The following STIM2 variants were observed in gnomAD, a reference collection of about 807,000 sequenced individuals.
The protein encoded by STIM2 is stromal interaction molecule 2.
STIM2 carries 31 observed loss-of-function variants against 85.8 expected under a neutral mutation model. The ratio of observed to expected loss-of-function variants is 0.36; its 90% CI spans 0.27 to 0.49. The LOEUF is 0.49. STIM2 is among the 20% of genes least tolerant of loss of function. STIM2 has a pLI of 0.98. For missense variants in STIM2, 841 were observed against 927.6 expected, an observed-to-expected ratio of 0.91 and a Z score of 1.21; for synonymous variants, 356 against 331.1, an observed-to-expected ratio of 1.08 and a Z score of -0.82.
intron 1 of STIM2, among the ~76,000 whole-genome samples, chr4:26,896,615 C>T (rs1262270516): frequency 6.6e-6 from 1 of 152,152 alleles, no homozygotes; most frequent in African/African-American, 2.4e-5. Context: ...AATATTGAAT[C>T]TTCCAATTTT....
chr4:27,019,993 A>G (rs1728860156), intron 11 of STIM2, among the ~76,000 whole-genome samples: 1 of 152,210 alleles, frequency 6.6e-6, no homozygotes, highest in Non-Finnish European at 1.5e-5. Flanking sequence ...TTAGAACTAG[A>G]AGGTAACATT....
chr4:27,012,367 T>C (rs899629380), intron 10 of STIM2, among the ~76,000 whole-genome samples: 3 of 152,088 alleles, frequency 2.0e-5, no homozygotes, highest in Admixed American at 6.6e-5. Flanking sequence ...GAATTATTAA[T>C]CAATTCCATT....
chr4:26,910,275 G>A (rs576165457), intron 1 of STIM2, among the ~76,000 whole-genome samples: 34 of 152,082 alleles, frequency 2.2e-4, no homozygotes, highest in South Asian at 4.2e-4. Context: ...TAATTCCAGC[G>A]CTTTGGGAGG....
intron 1 of STIM2, among the ~76,000 whole-genome samples, chr4:26,883,755 C>A (rs1008596681): frequency 6.6e-6 from 1 of 152,180 alleles, no homozygotes; most frequent in African/African-American, 2.4e-5. Flanking sequence ...AGACTTAATG[C>A]TGTATCAAAT....
Position 26,993,947 on chromosome 4 carries a change from G to GT in STIM2, c.398-1424dup, listed in dbSNP as rs201428662. 2.4e-3 allele frequency among the ~76,000 whole-genome samples: 359 copies of GT among 151,924 alleles called. 1 individual carries two copies. Among genetic ancestry groups the GT allele is most frequent in the African/African-American group, 7.7e-3 (321 of 41,456 alleles). ...AGATAATTATGTTAGAACCTCGTAAGTTTTTTTTAAGACTTAAGAAAATGC... is the reference window on the plus strand; with the variant it reads ...AGATAATTATGTTAGAACCTCGTAAGTTTTTTTTTAAGACTTAAGAAAATGC... On this transcript the variant is annotated intron_variant, in intron 3 of 11. Coordinates refer to ENST00000467087, the MANE Select transcript of STIM2 (RefSeq NM_020860.4).
chr4:26,948,797 G>A (rs572297436), intron 2 of STIM2, among the ~76,000 whole-genome samples: 5 of 151,832 alleles, frequency 3.3e-5, no homozygotes, highest in Admixed American at 6.6e-5. Flanking sequence ...TTTTTTAAAG[G>A]AAATTGTAAT....
chr4:26,950,189 G>A (rs1018126674), intron 2 of STIM2, among the ~76,000 whole-genome samples: 1 of 152,242 alleles, frequency 6.6e-6, no homozygotes, highest in Middle Eastern at 3.4e-3. Context: ...GCTATTTCAT[G>A]TTTTAAGCAT....
intron 3 of STIM2, among the ~76,000 whole-genome samples, chr4:26,975,088 C>G (rs1024800576): frequency 6.6e-6 from 1 of 152,146 alleles, no homozygotes; most frequent in Admixed American, 6.5e-5. Flanking sequence ...TCAGCTCCAT[C>G]AGGTCATTTA....
intron 11 of STIM2, chr4:27,019,381 T>A: frequency 7.8e-7 from 1 of 1,274,824 alleles, no homozygotes; most frequent in African/African-American, 1.5e-5. Context: ...TATGACTAGC[T>A]TTTCGTCTGT....
intron 3 of STIM2, among the ~76,000 whole-genome samples, chr4:26,975,558 G>T (rs1727151821): frequency 6.6e-6 from 1 of 152,244 alleles, no homozygotes; most frequent in Non-Finnish European, 1.5e-5. Context: ...GGTATCACCA[G>T]TGGAGGCTGC....
intron 2 of STIM2, among the ~76,000 whole-genome samples, chr4:26,942,945 TA>T (rs1383514539): frequency 6.6e-6 from 1 of 152,138 alleles, no homozygotes; most frequent in Non-Finnish European, 1.5e-5. Context: ...TTAGTCATCT[TA>T]AATTTAAGGT....
rs545640240 is a variant in STIM2, at chr4:26,868,300, G to GT, written c.151+6938dup. On this transcript the variant is annotated intron_variant, in intron 1 of 11. Coordinates refer to ENST00000467087, the MANE Select transcript of STIM2 (RefSeq NM_020860.4). ...AGTGTTTCTTTTTGCGTATGGATTT[G>GT]TTTTTTTGTGTGCTTATGGATCTTG... is the stretch of plus-strand genomic sequence containing the variant. Among the ~76,000 whole-genome samples the GT allele has an allele frequency of 1.8e-4, 27 of 152,136 alleles. 1 individual carries two copies. In the Middle Eastern group the frequency reaches 0.017, roughly 96 times the overall value.
intron 1 of STIM2, among the ~76,000 whole-genome samples, chr4:26,898,205 G>A (rs975669512): frequency 6.6e-6 from 1 of 152,108 alleles, no homozygotes; most frequent in African/African-American, 2.4e-5. Context: ...ATTTGGATTT[G>A]GCTGATTCCT....
chr4:26,886,006 C>T (rs1294011959), intron 1 of STIM2, among the ~76,000 whole-genome samples: 1 of 151,426 alleles, frequency 6.6e-6, no homozygotes, highest in East Asian at 1.9e-4. Flanking sequence ...TTTTAAGAAG[C>T]TGATCACCAT....
At chr4:26,904,188 C>A (rs1249929353) in intron 1 of STIM2, among the ~76,000 whole-genome samples, 1 of 148,498 alleles carries the variant, frequency 6.7e-6, no homozygotes, top group Non-Finnish European at 1.5e-5. Flanking sequence ...GATCTCTGAG[C>A]AATCTTGGAG....
At chr4:26,998,522 TAAAGTCTGCTATAG>T (rs966425774) in intron 4 of STIM2, among the ~76,000 whole-genome samples, 4 of 152,176 alleles carry the variant, frequency 2.6e-5, no homozygotes, top group African/African-American at 7.2e-5. Context: ...AATTGTTTTT[TAAAGTCTGCTATAG>T]ATGTTAAATT....
Position 27,022,853 on chromosome 4 carries a change from T to C in STIM2, c.2098T>C (p.Ser700Pro). The C allele has an allele frequency of 6.2e-7, 1 of 1,614,226 alleles. No homozygotes were observed. The highest frequency in any genetic ancestry group is 1.1e-5 in the South Asian group (1 of 91,090). Reference sequence around the variant, plus strand: ...TAAACCTCGCCACACATCATGTTCCTCAGCTGGCAACGACAGTAAACCAGT... The same window carrying C: ...TAAACCTCGCCACACATCATGTTCCCCAGCTGGCAACGACAGTAAACCAGT... Residue 700 changes from serine to proline, a missense_variant, in exon 12 of 12, where the codon TCA becomes CCA. Physicochemically the swap from Ser to Pro is moderately conservative, Grantham distance 74. Transcript: ENST00000467087.
intron 2 of STIM2, among the ~76,000 whole-genome samples, chr4:26,939,319 CT>C (rs1046131054): frequency 1.3e-5 from 2 of 152,114 alleles, no homozygotes; most frequent in Admixed American, 1.3e-4. Context: ...CCTCTTTCCC[CT>C]GCTTACTAAA....
chr4:26,976,221 G>A (rs770849095), intron 3 of STIM2, among the ~76,000 whole-genome samples: 19 of 152,044 alleles, frequency 1.2e-4, no homozygotes, highest in Non-Finnish European at 2.5e-4. Context: ...GCGATGCCCT[G>A]CCCTGCTTCA....
Sources: gnomAD v4.1 joint callset for allele counts (sites outside exome capture counted in the v4.1 genomes callset) on GRCh38, gnomAD v4.1.1 for gene constraint, MANE v1.5 for transcripts, NCBI Gene and HGNC (gene_info 2026-07-23, HGNC 2026-07-21) for gene names.